The following MROH9 variants were observed in gnomAD, a reference collection of about 807,000 sequenced individuals.
MROH9 encodes the protein maestro heat-like repeat-containing protein family member 9.
A neutral mutation model predicts 98.2 loss-of-function variants in MROH9; 92 were observed. That is an observed-to-expected ratio of 0.94 (90% CI 0.79 to 1.11). The LOEUF is 1.11. Ranked by LOEUF, MROH9 falls within the 50% of genes most tolerant of loss-of-function variation. The pLI, the probability that MROH9 is intolerant of heterozygous loss-of-function variation, is 0.00. For missense variants in MROH9, 1,057 were observed against 1,014.8 expected, an observed-to-expected ratio of 1.04 and a Z score of -0.57; for synonymous variants, 397 against 368.9, an observed-to-expected ratio of 1.08 and a Z score of -0.87.
At chr1:171,000,309 T>A (rs1453933991) in intron 15 of MROH9, among the ~76,000 whole-genome samples, 1 of 151,850 alleles carries the variant, frequency 6.6e-6, no homozygotes, top group Non-Finnish European at 1.5e-5. Context: ...AGAATTTTTA[T>A]AGTTTCCAGT....
Position 171,012,767 on chromosome 1 carries a change from C to T in MROH9, c.1597-1350C>T, listed in dbSNP as rs575449907. On this transcript the variant is annotated intron_variant, in intron 15 of 21. Coordinates refer to ENST00000367759, the MANE Select transcript of MROH9 (RefSeq NM_001163629.2). ...ATCCGCCCGCCTTGGCCTCCCAAAGCGCTGGGATTACAGGCATGAGCCACC... is the reference window on the plus strand; with the variant it reads ...ATCCGCCCGCCTTGGCCTCCCAAAGTGCTGGGATTACAGGCATGAGCCACC... Among the ~76,000 whole-genome samples, 14 of 152,042 alleles carry T rather than the reference C, an allele frequency of 9.2e-5. No individual in the cohort carries two copies. In the East Asian group the frequency reaches 9.7e-4, roughly 11 times the overall value.
intron 16 of MROH9, among the ~76,000 whole-genome samples, chr1:171,015,366 G>C (rs1400909946): frequency 6.6e-6 from 1 of 152,190 alleles, no homozygotes; most frequent in East Asian, 1.9e-4. Flanking sequence ...CTTCCTAGGA[G>C]AGTGAAAGAA....
At chr1:170,940,127 G>C (rs993286443) in intron 1 of MROH9, among the ~76,000 whole-genome samples, 15 of 152,182 alleles carry the variant, frequency 9.9e-5, no homozygotes, top group Non-Finnish European at 1.9e-4. Flanking sequence ...AAAATCTGTA[G>C]GGGCCCATTG....
chr1:170,974,699 G>T (rs944779517), intron 8 of MROH9, among the ~76,000 whole-genome samples: 1 of 151,954 alleles, frequency 6.6e-6, no homozygotes, highest in African/African-American at 2.4e-5. Context: ...TATACCAGAC[G>T]AAAATCTAGA....
At chr1:171,021,021 G>C (rs1218645733) in intron 17 of MROH9, among the ~76,000 whole-genome samples, 1 of 152,070 alleles carries the variant, frequency 6.6e-6, no homozygotes, top group East Asian at 1.9e-4. Context: ...TTGCTACAAA[G>C]AGAATAAAAT....
chr1:171,061,107 A>G (rs977500620), intron 20 of MROH9, among the ~76,000 whole-genome samples: 4 of 152,226 alleles, frequency 2.6e-5, no homozygotes, highest in Non-Finnish European at 5.9e-5. Context: ...CCAAATGGCC[A>G]GTAAATACAC....
chr1:171,062,375 T>C (rs1654041737), intron 21 of MROH9, among the ~76,000 whole-genome samples, 181 bp downstream of exon 21: 1 of 152,178 alleles, frequency 6.6e-6, no homozygotes, highest in Admixed American at 6.5e-5. Context: ...GGTTTGTTTT[T>C]TCTCTTTCTA....
intron 1 of MROH9, among the ~76,000 whole-genome samples, chr1:170,942,064 C>A (rs1168252899): frequency 2.6e-5 from 4 of 152,110 alleles, no homozygotes; most frequent in Non-Finnish European, 5.9e-5. Context: ...TAAATTTGGC[C>A]TAATTCAACT....
chr1:170,995,767 G>T (rs996879681), intron 13 of MROH9, among the ~76,000 whole-genome samples: 1 of 152,124 alleles, frequency 6.6e-6, no homozygotes, highest in African/African-American at 2.4e-5. Flanking sequence ...CGTGACCACA[G>T]AACTCTGTTG....
At chr1:171,024,614 G>C in intron 18 of MROH9, 35 bp from the exon 19 acceptor site, 1 of 1,536,368 alleles carries the variant, frequency 6.5e-7, no homozygotes, top group Non-Finnish European at 8.8e-7. Flanking sequence ...AACAACAGAT[G>C]AATAGATCTT....
At chr1:170,991,393 G>A (rs1321546175) in intron 11 of MROH9, among the ~76,000 whole-genome samples, 1 of 152,114 alleles carries the variant, frequency 6.6e-6, no homozygotes, top group African/African-American at 2.4e-5. Flanking sequence ...TGGGTAGTGG[G>A]TGCTACAGAG....
intron 15 of MROH9, among the ~76,000 whole-genome samples, chr1:171,009,674 T>C (rs938212822): frequency 6.6e-6 from 1 of 152,156 alleles, no homozygotes; most frequent in Non-Finnish European, 1.5e-5. Context: ...CAAGAAGACA[T>C]GATATTCTGA....
At position 170,945,596 on chromosome 1, in the gene MROH9, C is replaced by A. The variant is rs376152654; in HGVS notation, c.25+15C>A. The A allele has an allele frequency of 6.8e-6, 11 of 1,609,898 alleles. No individual in the cohort carries two copies. The highest frequency in any genetic ancestry group is 9.3e-6 in the Non-Finnish European group (11 of 1,177,748). On this transcript the variant is annotated intron_variant, in intron 2 of 21. Coordinates refer to ENST00000367759, the MANE Select transcript of MROH9 (RefSeq NM_001163629.2). ...TCCAAAAACAAGTAAGGCTTTAGGA[C>A]ACAATAGAGATGGGAGAAGGTATTT...
chr1:170,996,471 G>A (rs372427615), intron 13 of MROH9, 36 bp from the exon 14 acceptor site: 47 of 1,605,308 alleles, frequency 2.9e-5, no homozygotes, highest in African/African-American at 1.3e-4. Flanking sequence ...GAATATCACC[G>A]GCATGTGATG....
intron 10 of MROH9, 38 bp from the exon 11 acceptor site, chr1:170,989,817 C>A: frequency 6.4e-7 from 1 of 1,566,606 alleles, no homozygotes; most frequent in Non-Finnish European, 8.7e-7. Context: ...GACCATGGAA[C>A]AGGAGATTCT....
At chr1:171,022,878 T>C (rs1652564626) in intron 17 of MROH9, among the ~76,000 whole-genome samples, 2 of 152,188 alleles carry the variant, frequency 1.3e-5, no homozygotes, top group Non-Finnish European at 2.9e-5. Context: ...ATTACTATTA[T>C]CCAATTTTCA....
intron 6 of MROH9, among the ~76,000 whole-genome samples, chr1:170,964,810 T>C (rs1650166829): frequency 6.6e-6 from 1 of 152,000 alleles, no homozygotes; most frequent in Non-Finnish European, 1.5e-5. Flanking sequence ...AAAGGGAGAA[T>C]ACATACTTTG....
At chr1:171,049,612 A>G (rs1653597255) in intron 20 of MROH9, among the ~76,000 whole-genome samples, 1 of 151,704 alleles carries the variant, frequency 6.6e-6, no homozygotes, top group African/African-American at 2.4e-5. Context: ...GGCCGCTTAC[A>G]TGTCTTCTTT....
chr1:171,024,741 G>A lies in MROH9; in HGVS notation c.2154G>A (p.Val718=), dbSNP rs1004890737. ...ATGAAAATTACAGTTTTGAGATGGT[G>A]GTGCTCAATATCTGTAACAATCTTG... The part of the protein sequence containing the change: ...LKDENYSFEM[V]VLNICNNLII... The change falls in exon 19 of 22, where the codon GTG becomes GTA. Residue 718 remains valine (V), a synonymous_variant. Coordinates refer to ENST00000367759, the MANE Select transcript of MROH9 (RefSeq NM_001163629.2). 1.7e-5 allele frequency: 27 copies of A among 1,548,478 alleles called. No homozygotes were observed. Among genetic ancestry groups the A allele is most frequent in the Non-Finnish European group, 2.2e-5 (25 of 1,144,516 alleles).
Sources: allele counts gnomAD v4.1 joint callset (sites outside exome capture counted in the v4.1 genomes callset), GRCh38; gene constraint gnomAD v4.1.1; transcripts MANE v1.5; gene names NCBI Gene and HGNC (gene_info 2026-07-23, HGNC 2026-07-21).